The following ATP8B4 variants were observed in gnomAD, a reference collection of about 807,000 sequenced individuals.
ATP8B4 encodes ATPase phospholipid transporting 8B4 (putative), also known as probable phospholipid-transporting ATPase IM.
ATP8B4 carries 133 observed loss-of-function variants against 145.6 expected under a neutral mutation model. The observed-to-expected ratio is 0.91, with a 90% confidence interval of 0.79 to 1.05. The LOEUF (loss-of-function observed/expected upper bound fraction) is 1.05. Among genes scored for constraint, ATP8B4 ranks in the 50% least tolerant of loss-of-function variants. The pLI is 0.00. For synonymous variants in ATP8B4, 507 were observed against 492.9 expected (o/e 1.03, Z -0.38); for missense variants, 1,458 against 1,425.2 (o/e 1.02, Z -0.37).
intron 20 of ATP8B4, among the ~76,000 whole-genome samples, chr15:49,913,618 A>C (rs2039456334): frequency 6.6e-6 from 1 of 152,210 alleles, no homozygotes; most frequent in Non-Finnish European, 1.5e-5. Flanking sequence ...CATTCAGAAA[A>C]AATTCAAGTG....
chr15:50,050,973 GTT>G (rs1418040613), intron 3 of ATP8B4, among the ~76,000 whole-genome samples: 1 of 151,978 alleles, frequency 6.6e-6, no homozygotes, highest in Non-Finnish European at 1.5e-5. Context: ...ACTCCTATCT[GTT>G]TTTTTAGAGT....
At chr15:49,900,546 T>G (rs1365877164) in intron 21 of ATP8B4, among the ~76,000 whole-genome samples, 1 of 152,238 alleles carries the variant, frequency 6.6e-6, no homozygotes, top group Non-Finnish European at 1.5e-5. Context: ...AAAAGTACAA[T>G]GCAAGTTCAT....
chr15:50,159,236 G>A (rs567833113), intron 1 of ATP8B4, among the ~76,000 whole-genome samples: 2 of 152,014 alleles, frequency 1.3e-5, no homozygotes, highest in South Asian at 4.2e-4. Context: ...TTAATTCTTA[G>A]GTATTTTATT....
intron 6 of ATP8B4, among the ~76,000 whole-genome samples, chr15:50,012,442 A>G (rs147344308): frequency 5.3e-4 from 80 of 152,284 alleles, no homozygotes; most frequent in African/African-American, 1.8e-3. Flanking sequence ...CTTGTATAGC[A>G]CAAGCTCTAG....
chr15:49,959,520 G>A (rs2043875283), intron 14 of ATP8B4, among the ~76,000 whole-genome samples: 1 of 151,892 alleles, frequency 6.6e-6, no homozygotes, highest in Non-Finnish European at 1.5e-5. Flanking sequence ...GAATGACAGG[G>A]ATAAAATTGT....
At chr15:50,054,522 G>A (rs754385790) in intron 3 of ATP8B4, among the ~76,000 whole-genome samples, 3 of 152,094 alleles carry the variant, frequency 2.0e-5, no homozygotes, top group South Asian at 2.1e-4. Context: ...GGTGGCTCAC[G>A]CCGGTAATCC....
chr15:50,142,635 G>A (rs1041358042), intron 1 of ATP8B4, among the ~76,000 whole-genome samples: 1 of 152,304 alleles, frequency 6.6e-6, no homozygotes, highest in Admixed American at 6.5e-5. Flanking sequence ...AAGCAACGAG[G>A]AATGATAAAG....
At chr15:49,938,000 T>A (rs972370100) in intron 14 of ATP8B4, among the ~76,000 whole-genome samples, 5 of 152,150 alleles carry the variant, frequency 3.3e-5, no homozygotes, top group African/African-American at 1.2e-4. Flanking sequence ...GTAAGTGCCA[T>A]GATAAGGCAA....
chr15:49,902,274 G>A (rs1243642603), intron 20 of ATP8B4: 2 of 152,186 alleles, frequency 1.3e-5, no homozygotes, highest in Admixed American at 6.5e-5. Context: ...GTCTTTTGGC[G>A]AAATGAAATT....
intron 1 of ATP8B4, among the ~76,000 whole-genome samples, chr15:50,125,705 G>T (rs2057302954): frequency 6.6e-6 from 1 of 152,182 alleles, no homozygotes; most frequent in Non-Finnish European, 1.5e-5. Flanking sequence ...AAGGCATTTT[G>T]TTCCTGACTA....
At chr15:50,127,502 T>C (rs375907505) in intron 1 of ATP8B4, among the ~76,000 whole-genome samples, 1 of 152,166 alleles carries the variant, frequency 6.6e-6, no homozygotes, top group Admixed American at 6.5e-5. Flanking sequence ...CATCTCAGTA[T>C]ATCAGTCAAT....
chr15:50,050,484 C>T (rs1050057132), intron 3 of ATP8B4, among the ~76,000 whole-genome samples: 7 of 151,910 alleles, frequency 4.6e-5, no homozygotes, highest in African/African-American at 9.7e-5. Flanking sequence ...TTTCCTATTA[C>T]ACCAGCCTAA....
intron 2 of ATP8B4, among the ~76,000 whole-genome samples, chr15:50,095,456 T>C (rs1160449612): frequency 6.6e-6 from 1 of 152,204 alleles, no homozygotes; most frequent in Admixed American, 6.5e-5. Context: ...TTGAATTTAC[T>C]GTCAAAACAG....
At chr15:49,911,162 A>C (rs1298844814) in intron 20 of ATP8B4, among the ~76,000 whole-genome samples, 1 of 152,180 alleles carries the variant, frequency 6.6e-6, no homozygotes, top group African/African-American at 2.4e-5. Flanking sequence ...ATGGAAATGA[A>C]TTAAATTTTC....
intron 9 of ATP8B4, among the ~76,000 whole-genome samples, chr15:49,990,869 G>C (rs1472192097): frequency 6.6e-6 from 1 of 152,036 alleles, no homozygotes; most frequent in African/African-American, 2.4e-5. Flanking sequence ...CTCTAGCCAA[G>C]AGTTTTTTTA....
chr15:49,876,477 G>A lies in ATP8B4; in HGVS notation c.2828C>T (p.Pro943Leu). 1 of 1,614,082 alleles carries A rather than the reference G, an allele frequency of 6.2e-7. No individual in the cohort carries two copies. Among genetic ancestry groups the A allele is most frequent in the Non-Finnish European group, 8.5e-7 (1 of 1,179,954 alleles). The change falls in exon 25 of 28, where the codon CCA becomes CTA. Residue 943 changes from proline to leucine, a missense_variant. Transcript: ENST00000284509. ...GTTAAAAAGCAGATTCAGCTGTCCT[G>A]GTTTGTAGAGCTGGGGACAGTCCAC... ...NSVDCPQLYK[P>L]GQLNLLFNKR...
intron 2 of ATP8B4, among the ~76,000 whole-genome samples, chr15:50,086,000 TATA>T (rs2054988009): frequency 2.8e-5 from 1 of 35,324 alleles, no homozygotes; most frequent in Non-Finnish European, 4.5e-5. Flanking sequence ...ATATATTTAT[TATA>T]TATAATATAT....
chr15:50,008,797 T>C lies in ATP8B4; in HGVS notation c.435+2048A>G, dbSNP rs1027929557. On this transcript the variant is annotated intron_variant, in intron 7 of 27. Coordinates refer to ENST00000284509, the MANE Select transcript of ATP8B4 (RefSeq NM_024837.4). The stretch of plus-strand genomic sequence containing the variant: ...GTGATAAATCAGCACACTATGGCGT[T>C]AGTAAACAAGTGAGTCCAGTCTGAT... 5.9e-5 allele frequency among the ~76,000 whole-genome samples: 9 copies of C among 152,168 alleles called. No homozygotes were observed. The East Asian group carries it at 1.7e-3, about 29-fold the overall frequency.
At chr15:49,923,533 A>C (rs761734571) in intron 16 of ATP8B4, 39 bp from the exon 17 acceptor site, 1 of 1,358,756 alleles carries the variant, frequency 7.4e-7, no homozygotes, top group Non-Finnish European at 1.0e-6. Flanking sequence ...AATATAATCA[A>C]CGTCATACAT....
Sources: allele counts gnomAD v4.1 joint callset (sites outside exome capture counted in the v4.1 genomes callset), GRCh38; gene constraint gnomAD v4.1.1; transcripts MANE v1.5; gene names NCBI Gene and HGNC (gene_info 2026-07-23, HGNC 2026-07-21).